The following IQSEC1 variants were observed in gnomAD, a reference collection of about 807,000 sequenced individuals.
IQSEC1 encodes IQ motif and SEC7 domain-containing protein 1.
Under a neutral mutation model 91.0 loss-of-function variants are expected in IQSEC1, and 31 were observed. The ratio of observed to expected loss-of-function variants is 0.34; its 90% CI spans 0.26 to 0.46. The LOEUF (loss-of-function observed/expected upper bound fraction) is 0.46, where lower values mean the gene tolerates loss of function less well. Among genes scored for constraint, IQSEC1 ranks in the 20% least tolerant of loss-of-function variants. IQSEC1 has a pLI of 1.00. For synonymous variants in IQSEC1, 699 were observed against 662.6 expected (o/e 1.05, Z -0.84); for missense variants, 1,388 against 1,575.6 (o/e 0.88, Z 2.02).
intron 9 of IQSEC1, 84 bp downstream of exon 9, chr3:12,913,344 T>A (rs1695747317): frequency 2.8e-6 from 4 of 1,433,640 alleles, no homozygotes; most frequent in Non-Finnish European, 3.8e-6. Context: ...TGCATGCACA[T>A]CTTCCCCACG....
intron 1 of IQSEC1, among the ~76,000 whole-genome samples, chr3:12,973,859 C>T (rs1332045536): frequency 1.3e-5 from 2 of 152,124 alleles, no homozygotes; most frequent in Admixed American, 1.3e-4. Flanking sequence ...GGGAGCACTT[C>T]CCCAGATCAT....
At chr3:12,902,121 G>T (rs996818975) in intron 13 of IQSEC1, among the ~76,000 whole-genome samples, 3 of 152,052 alleles carry the variant, frequency 2.0e-5, no homozygotes, top group Non-Finnish European at 4.4e-5. Context: ...AACCAAACAA[G>T]GAAAAAGAAG....
chr3:13,158,790 T>C (rs762880972), intron 2 of IQSEC1, among the ~76,000 whole-genome samples: 14 of 152,054 alleles, frequency 9.2e-5, no homozygotes, highest in Non-Finnish European at 1.9e-4. Context: ...GACAAAACCC[T>C]GTCTCTACTA....
At position 12,908,272 on chromosome 3, in the gene IQSEC1, C is replaced by CATGCCCTGAATGCAG; in HGVS notation, c.2755+62_2755+76dup. The CATGCCCTGAATGCAG allele has an allele frequency of 6.7e-7, 1 of 1,494,646 alleles. No individual in the cohort carries two copies. Among genetic ancestry groups the CATGCCCTGAATGCAG allele is most frequent in the Non-Finnish European group, 9.2e-7 (1 of 1,092,306 alleles). The allele number at this position is 1,494,646 out of a possible 1,614,324, so 92.6% of individuals were successfully genotyped here. ...GCCGCAGGCCCTGCCCCGCGTGATG[C>CATGCCCTGAATGCAG]ATGCCCTGAATGCAGACGCCCTGCC... On this transcript the variant is annotated intron_variant, in intron 12 of 13. Coordinates refer to ENST00000613206, the MANE Select transcript of IQSEC1 (RefSeq NM_001134382.3). This position sits in a 1 kb window ranked among gnomAD's most constrained non-coding sequence, Gnocchi z 4.9.
rs746716911 is a variant in IQSEC1 at position 12,935,785 on chromosome 3, C to T, written c.1231G>A (p.Gly411Ser). 2.4e-5 allele frequency: 38 copies of T among 1,607,226 alleles called. No individual in the cohort carries two copies. The highest frequency in any genetic ancestry group is 3.3e-4 in the Middle Eastern group (2 of 6,012). ...TCCCGGGGGAGGCTCTTGGGGGCGC[C>T]GCTGTGGGGACCATGCTTGGGACTG... Reference protein sequence around the residue: ...QGSPKHGPHSGAPKSLPREEP... With the variant: ...QGSPKHGPHSSAPKSLPREEP... The change falls in exon 3 of 14, where the codon GGC becomes AGC. Residue 411 changes from glycine to serine, a missense_variant. By Grantham distance (56) the Gly-to-Ser change is moderately conservative. Around this residue, in one of 2 missense-constraint regions of IQSEC1, gnomAD observed 1,059 missense variants for 1,317.8 expected, o/e 0.80. Transcript: ENST00000613206. This position sits in a 1 kb window ranked among gnomAD's most constrained non-coding sequence, Gnocchi z 8.0.
intron 2 of IQSEC1, among the ~76,000 whole-genome samples, chr3:13,114,584 G>T (rs1706304741): frequency 2.0e-5 from 3 of 152,126 alleles, no homozygotes; most frequent in Admixed American, 2.0e-4. Flanking sequence ...CTGAGGCCAG[G>T]AGTTCAATAT....
rs1706100131 is a variant in IQSEC1 at position 13,103,658 on chromosome 3, TGGCTGGCAGGGGAGCGG to T, written c.303-56153_303-56137del. Among the ~76,000 whole-genome samples, 1 of 152,066 alleles carries T rather than the reference TGGCTGGCAGGGGAGCGG, an allele frequency of 6.6e-6. No homozygotes were observed. The highest frequency in any genetic ancestry group is 2.1e-4 in the South Asian group (1 of 4,826). ...TCACATGCAGCACGCACTGGGGGTC[TGGCTGGCAGGGGAGCGG>T]GGCTGGCAGCTGTGATTTCAGAGCA... On this transcript the variant is annotated intron_variant, in intron 2 of 15. Coordinates refer to the IQSEC1 transcript ENST00000648114. The surrounding 1 kb of genome is among the most constrained non-coding windows in gnomAD (Gnocchi z 4.1).
intron 1 of IQSEC1, among the ~76,000 whole-genome samples, chr3:12,946,432 T>C (rs559987642): frequency 2.0e-5 from 3 of 152,350 alleles, no homozygotes; most frequent in Non-Finnish European, 4.4e-5. Flanking sequence ...TCAGAGTCTC[T>C]GGAACATCCT....
chr3:13,115,288 C>G (rs1051932544), intron 2 of IQSEC1, among the ~76,000 whole-genome samples: 1 of 152,204 alleles, frequency 6.6e-6, no homozygotes, highest in Non-Finnish European at 1.5e-5. Context: ...GCCAAGTCCT[C>G]TCCCCTCTCA....
At chr3:13,227,499 T>A (rs1694777122) in intron 1 of IQSEC1, among the ~76,000 whole-genome samples, 1 of 150,080 alleles carries the variant, frequency 6.7e-6, no homozygotes, top group Admixed American at 6.6e-5. Context: ...TGCAGTAACA[T>A]ATGAGGTCAG....
intron 1 of IQSEC1, among the ~76,000 whole-genome samples, chr3:13,188,425 T>A (rs1275069795): frequency 6.6e-6 from 1 of 152,222 alleles, no homozygotes; most frequent in African/African-American, 2.4e-5. Context: ...ATCAGATATG[T>A]GCCAGGCACT....
intron 2 of IQSEC1, among the ~76,000 whole-genome samples, chr3:13,131,695 C>G (rs892344444): frequency 2.0e-5 from 3 of 152,034 alleles, no homozygotes; most frequent in Non-Finnish European, 4.4e-5. Flanking sequence ...TCATGTTGGC[C>G]AGGCTGGTCT....
chr3:13,230,241 A>AT (rs1382078924), intron 1 of IQSEC1, among the ~76,000 whole-genome samples: 1 of 152,186 alleles, frequency 6.6e-6, no homozygotes, highest in Non-Finnish European at 1.5e-5. Context: ...TGTTTTTAAG[A>AT]TTAAGAAACA....
chr3:12,945,637 C>T (rs750508327), intron 1 of IQSEC1, among the ~76,000 whole-genome samples: 4 of 152,018 alleles, frequency 2.6e-5, no homozygotes, highest in Non-Finnish European at 2.9e-5. Context: ...CTTCAGCAAA[C>T]GTGGACAAAA....
chr3:13,106,687 A>G (rs2124847995), intron 2 of IQSEC1, among the ~76,000 whole-genome samples: 2 of 152,330 alleles, frequency 1.3e-5, no homozygotes, highest in Non-Finnish European at 2.9e-5. Context: ...GAATCAATGA[A>G]TGGGCACTGC....
intron 2 of IQSEC1, among the ~76,000 whole-genome samples, chr3:13,119,501 T>C (rs1706389623): frequency 6.6e-6 from 1 of 152,240 alleles, no homozygotes; most frequent in South Asian, 2.1e-4. Flanking sequence ...TGCTTTGCAG[T>C]TTAATGGAGC....
intron 7 of IQSEC1, 111 bp downstream of exon 7, chr3:12,915,483 C>A (rs1361795748): frequency 2.5e-6 from 3 of 1,214,694 alleles, no homozygotes; most frequent in Non-Finnish European, 3.5e-6. Flanking sequence ...AATTCACCAG[C>A]CCTGCTGGAA....
At chr3:13,243,100 C>T (rs1461626908) in intron 1 of IQSEC1, among the ~76,000 whole-genome samples, 1 of 152,162 alleles carries the variant, frequency 6.6e-6, no homozygotes, top group Non-Finnish European at 1.5e-5. Flanking sequence ...GCTGTGAGAA[C>T]AAGAGTAAAT....
chr3:12,940,434 A>C lies in IQSEC1; in HGVS notation c.318+1137T>G, dbSNP rs1457433766. ...ACAACCCAAAAATTGTTTTTAAAGAAAAAGGATAACCAGGAAGATCTGGGA... is the reference window on the plus strand; with the variant it reads ...ACAACCCAAAAATTGTTTTTAAAGACAAAGGATAACCAGGAAGATCTGGGA... On this transcript the variant is annotated intron_variant, in intron 2 of 13. Transcript: ENST00000613206. This position sits in a 1 kb window ranked among gnomAD's most constrained non-coding sequence, Gnocchi z 4.4. 6.6e-6 allele frequency among the ~76,000 whole-genome samples: 1 copy of C among 152,008 alleles called. No homozygotes were observed. Among genetic ancestry groups the C allele is most frequent in the Non-Finnish European group, 1.5e-5 (1 of 67,992 alleles).
Sources: gnomAD v4.1 joint callset for allele counts (sites outside exome capture counted in the v4.1 genomes callset) on GRCh38, gnomAD v4.1.1 for gene constraint, gnomAD v4.1.1 regional missense constraint, Gnocchi (gnomAD v3.1) non-coding constraint, MANE v1.5 for transcripts, NCBI Gene and HGNC (gene_info 2026-07-23, HGNC 2026-07-21) for gene names.